EXOSC7: variants seen among roughly 807,000 people sequenced by gnomAD.
EXOSC7 encodes exosome complex component RRP42.
In EXOSC7, 25 loss-of-function variants were observed where a neutral mutation model predicts 34.3. That is an observed-to-expected ratio of 0.73 (90% CI 0.53 to 1.02). The LOEUF (loss-of-function observed/expected upper bound fraction) is 1.02, where lower values mean the gene tolerates loss of function less well. EXOSC7 is among the 50% of genes least tolerant of loss of function. EXOSC7 has a pLI of 0.00. For missense variants in EXOSC7, 370 were observed against 368.5 expected (o/e 1.00, Z -0.03); for synonymous variants, 130 against 143.0 (o/e 0.91, Z 0.65).
chr3:44,987,405 CA>C (rs2125964250), intron 1 of EXOSC7, among the ~76,000 whole-genome samples: 1 of 152,268 alleles, frequency 6.6e-6, no homozygotes, highest in South Asian at 2.1e-4. Context: ...AAATGGAAAA[CA>C]AAAATTTACA....
At chr3:45,009,450 T>A (rs1707144502) in intron 7 of EXOSC7, among the ~76,000 whole-genome samples, 1 of 152,158 alleles carries the variant, frequency 6.6e-6, no homozygotes, top group Non-Finnish European at 1.5e-5. Context: ...CCTCTTGTTG[T>A]CCTCTCTCCC....
chr3:45,006,315 T>A (rs1707038891), intron 6 of EXOSC7, among the ~76,000 whole-genome samples: 1 of 150,620 alleles, frequency 6.6e-6, no homozygotes, highest in Non-Finnish European at 1.5e-5. Context: ...TGACCTCGGG[T>A]GATCTGCCCA....
chr3:44,996,470 C>G (rs1333318174), intron 3 of EXOSC7, among the ~76,000 whole-genome samples: 1 of 152,186 alleles, frequency 6.6e-6, no homozygotes, highest in South Asian at 2.1e-4. Context: ...CTACTACTTA[C>G]AAGCCAACAA....
In EXOSC7 at chr3:44,976,348, C is replaced by T. The variant is rs201199988; in HGVS notation, c.57+14C>T. The T allele has an allele frequency of 2.6e-6, 4 of 1,566,750 alleles. No homozygotes were observed. In the South Asian group the frequency reaches 4.7e-5, roughly 18 times the overall value. On this transcript the variant is annotated intron_variant, in intron 1 of 7. Transcript: ENST00000265564. ...CATGGCGTCCAGGTAGCTACAGCAG[C>T]GGCGTTGGGTCGGCCGCCGGGTTCA...
chr3:45,007,643 G>C, intron 7 of EXOSC7, 68 bp downstream of exon 7: 1 of 1,460,388 alleles, frequency 6.8e-7, no homozygotes, highest in African/African-American at 1.4e-5. Context: ...TGCTCCCTTG[G>C]TCATACCGTG....
chr3:45,005,161 G>T (rs552191553), intron 5 of EXOSC7, 130 bp from the exon 6 acceptor site: 22 of 1,033,572 alleles, frequency 2.1e-5, no homozygotes, highest in Non-Finnish European at 2.9e-5. Context: ...CAGGGATGAG[G>T]ATGATAAAGA....
At chr3:45,003,332 TGC>T (rs1411462672) in intron 5 of EXOSC7, among the ~76,000 whole-genome samples, 4 of 67,662 alleles carry the variant, frequency 5.9e-5, no homozygotes, top group East Asian at 1.9e-3. Context: ...ATACTGTGCG[TGC>T]GTGCGTGCGT....
intron 1 of EXOSC7, among the ~76,000 whole-genome samples, chr3:44,985,734 G>A (rs1424680033): frequency 1.3e-5 from 2 of 152,160 alleles, no homozygotes; most frequent in African/African-American, 4.8e-5. Flanking sequence ...ACCCAAGCGG[G>A]TTGCCACTGC....
chr3:44,991,747 CTA>C (rs1397044436), intron 3 of EXOSC7, among the ~76,000 whole-genome samples: 3 of 152,296 alleles, frequency 2.0e-5, no homozygotes, highest in African/African-American at 7.2e-5. Flanking sequence ...TAGAAGTAGC[CTA>C]TCTTTCCTGG....
intron 1 of EXOSC7, among the ~76,000 whole-genome samples, chr3:44,987,287 AT>A (rs1706448132): frequency 6.6e-6 from 1 of 152,228 alleles, no homozygotes; most frequent in Admixed American, 6.5e-5. Flanking sequence ...GGAGAGTGAC[AT>A]TTCTCTGAGC....
chr3:44,997,438 A>G (rs1349962713), intron 4 of EXOSC7, among the ~76,000 whole-genome samples, 186 bp downstream of exon 4: 1 of 152,230 alleles, frequency 6.6e-6, no homozygotes, highest in Non-Finnish European at 1.5e-5. Context: ...AGATGTAAGC[A>G]GCATATATAT....
chr3:45,001,018 G>A (rs1576020099), intron 4 of EXOSC7, among the ~76,000 whole-genome samples: 3 of 152,156 alleles, frequency 2.0e-5, no homozygotes, highest in African/African-American at 7.2e-5. Context: ...TAGGGTGAAG[G>A]ACTGTGTCAG....
At chr3:45,008,936 C>A (rs1707130219) in intron 7 of EXOSC7, among the ~76,000 whole-genome samples, 1 of 152,230 alleles carries the variant, frequency 6.6e-6, no homozygotes, top group Admixed American at 6.5e-5. Flanking sequence ...TTAAATATAT[C>A]ATTTAGTCCT....
rs1706887635 is a variant in EXOSC7, at chr3:45,001,737, G to C, written c.491+129G>C. 7 of 697,206 alleles carry C rather than the reference G, an allele frequency of 1.0e-5. No homozygotes were observed. The South Asian group carries it at 1.0e-4, about 10-fold the overall frequency. 43.2% of individuals were successfully genotyped at this position (697,206 alleles called of 1,614,324 possible). On this transcript the variant is annotated intron_variant, in intron 5 of 7. Transcript: ENST00000265564. ...ACAGGGGGTTTTAACATTGAAAATG[G>C]TGACATCTAACGTTAAACTCCAGAA... is the stretch of plus-strand genomic sequence containing the variant.
chr3:44,993,650 A>G (rs1181333745), intron 3 of EXOSC7, among the ~76,000 whole-genome samples: 1 of 152,160 alleles, frequency 6.6e-6, no homozygotes, highest in South Asian at 2.1e-4. Context: ...ACAATTTCCC[A>G]CAACTCTGGA....
chr3:44,986,317 C>T (rs1706413971), intron 1 of EXOSC7, among the ~76,000 whole-genome samples: 1 of 152,244 alleles, frequency 6.6e-6, no homozygotes. Context: ...AGCACAGCAG[C>T]TGCTGGCCCA....
intron 4 of EXOSC7, among the ~76,000 whole-genome samples, chr3:44,998,366 C>A (rs1353849570): frequency 6.6e-6 from 1 of 152,030 alleles, no homozygotes; most frequent in Non-Finnish European, 1.5e-5. Flanking sequence ...AACCACCGTG[C>A]CTGGCCTTAA....
At chr3:45,012,634 G>A (rs937520042), downstream of EXOSC7, 1 of 152,240 alleles carries the variant, frequency 6.6e-6, no homozygotes, top group African/African-American at 2.4e-5. Context: ...GATGCAACTC[G>A]AGTGTGAATA....
intron 4 of EXOSC7, among the ~76,000 whole-genome samples, chr3:44,997,990 C>T (rs569821398): frequency 1.3e-5 from 2 of 151,300 alleles, no homozygotes; most frequent in Non-Finnish European, 2.9e-5. Flanking sequence ...TTTTGGCACT[C>T]GACAGTAACT....
Sources: allele counts gnomAD v4.1 joint callset (sites outside exome capture counted in the v4.1 genomes callset), GRCh38; gene constraint gnomAD v4.1.1; transcripts MANE v1.5; gene names NCBI Gene and HGNC (gene_info 2026-07-23, HGNC 2026-07-21).